TMEM223: variants seen among roughly 807,000 people sequenced by gnomAD.
TMEM223 encodes transmembrane protein 223.
Under a neutral mutation model 14.1 loss-of-function variants are expected in TMEM223, and 14 were observed. That is an observed-to-expected ratio of 0.99 (90% CI 0.66 to 1.55). The LOEUF (loss-of-function observed/expected upper bound fraction) is 1.55, where lower values mean the gene tolerates loss of function less well. Ranked by LOEUF, TMEM223 falls within the 40% of genes most tolerant of loss-of-function variation. The pLI, the probability that TMEM223 is intolerant of heterozygous loss-of-function variation, is 0.00. For missense variants in TMEM223, 346 were observed against 269.9 expected (o/e 1.28, Z -1.97); for synonymous variants, 145 against 120.5 (o/e 1.20, Z -1.33).
Position 62,790,462 on chromosome 11 carries a change from G to A in TMEM223, c.*161C>T, listed in dbSNP as rs567047299. ...TTTTGTTTTTTTTTTTGTAAATAGA[G>A]ACAAGGTCTCGCTATGTTGCCCAGC... On this transcript the variant is annotated 3_prime_UTR_variant, in exon 2 of 2. Transcript: ENST00000307366. The A allele has an allele frequency of 3.3e-5, 17 of 508,170 alleles. 1 individual carries two copies. The South Asian group carries it at 4.6e-4, about 14-fold the overall frequency. 31.5% of individuals were successfully genotyped at this position (508,170 alleles called of 1,614,324 possible).
At chr11:62,782,854 C>A, downstream of TMEM223, 1 of 1,608,944 alleles carries the variant, frequency 6.2e-7, no homozygotes, top group African/African-American at 1.3e-5. Context: ...CTCACACAGC[C>A]GTAAGAACTC....
At chr11:62,782,572 T>C (rs2084238337), downstream of TMEM223, 5 of 1,444,460 alleles carry the variant, frequency 3.5e-6, no homozygotes, top group South Asian at 6.6e-5. Flanking sequence ...GGCAGCCTTC[T>C]TCACTTAACC....
At chr11:62,775,278 GA>G (rs1041264102) in intron 1 of TMEM223, among the ~76,000 whole-genome samples, 1 of 152,128 alleles carries the variant, frequency 6.6e-6, no homozygotes, top group Non-Finnish European at 1.5e-5. Context: ...ACTATCAGGA[GA>G]ACAGCATGGG....
At chr11:62,788,397 A>G (rs1390084200), downstream of TMEM223, among the ~76,000 whole-genome samples, 2 of 149,372 alleles carry the variant, frequency 1.3e-5, no homozygotes, top group East Asian at 2.0e-4. Flanking sequence ...GCGAATCTCC[A>G]TCGCAAAAAC....
intron 1 of TMEM223, chr11:62,775,620 G>A (rs2084180416): frequency 1.3e-6 from 1 of 781,332 alleles, no homozygotes; most frequent in Non-Finnish European, 2.0e-6. Flanking sequence ...TTCCTTCTCT[G>A]AGCCTCACTT....
At chr11:62,778,909 G>C in intron 1 of TMEM223, 1 of 1,613,816 alleles carries the variant, frequency 6.2e-7, no homozygotes, top group Middle Eastern at 1.6e-4. Context: ...ACCTTCTCAA[G>C]TACTATCACC....
At chr11:62,781,744 A>G (rs752220420) in intron 1 of TMEM223, 6 of 714,472 alleles carry the variant, frequency 8.4e-6, no homozygotes, top group Admixed American at 2.1e-5. Flanking sequence ...TGTAGGTTAC[A>G]TTTATAGAAA....
chr11:62,781,714 G>A (rs1565188890), intron 1 of TMEM223: 2 of 608,888 alleles, frequency 3.3e-6, no homozygotes, highest in Non-Finnish European at 5.9e-6. Flanking sequence ...GCCATATGCA[G>A]GTATATGTGA....
intron 1 of TMEM223, among the ~76,000 whole-genome samples, chr11:62,775,236 C>G (rs772860229): frequency 2.6e-5 from 4 of 152,090 alleles, no homozygotes; most frequent in Non-Finnish European, 4.4e-5. Flanking sequence ...GGGAAAAGCT[C>G]TTTATAAAAC....
intron 1 of TMEM223, chr11:62,782,497 A>G (rs1383463111): frequency 9.5e-7 from 1 of 1,047,694 alleles, no homozygotes; most frequent in African/African-American, 1.6e-5. Context: ...GGGATTCTGA[A>G]AATGGATTAC....
At chr11:62,786,955 C>G, downstream of TMEM223, 1 of 1,447,672 alleles carries the variant, frequency 6.9e-7, no homozygotes, top group Non-Finnish European at 9.0e-7. Context: ...CGGAGGCGGC[C>G]CCGCGTCGGC....
rs760946196 is a variant in TMEM223, at chr11:62,791,924, G to A, written c.71C>T (p.Pro24Leu). The A allele has an allele frequency of 5.0e-6, 8 of 1,598,572 alleles. No individual in the cohort carries two copies. The highest frequency in any genetic ancestry group is 6.8e-6 in the Non-Finnish European group (8 of 1,173,264). The change falls in exon 1 of 2, where the codon CCC becomes CTC. Residue 24 changes from proline to leucine, a missense_variant. Pro to Leu is a moderately conservative substitution (Grantham distance 98). Coordinates refer to ENST00000307366, the MANE Select transcript of TMEM223 (RefSeq NM_001080501.3). The stretch of plus-strand genomic sequence containing the variant: ...CCGTTGCAGCGTCGTGCCTTGCAGG[G>A]GCCGGCAGGTGAGCAGGGGCCGCAG... ...AVLRPLLTCR[P>L]LQGTTLQRDV...
chr11:62,791,693 C>T lies in TMEM223; in HGVS notation c.302G>A (p.Gly101Asp), dbSNP rs1167717948. The change falls in exon 1 of 2, where the codon GGC (glycine) becomes GAC (aspartate). Residue 101 changes from glycine (G) to aspartate (D), a missense_variant. By Grantham distance (94) the Gly-to-Asp change is moderately conservative (BLOSUM62 -1). Transcript: ENST00000307366. ...CCACGTCTTACCGATGGCGCCGCAG[C>T]CGACGGCCAGACCGTAGCGCCAGAG... ...SALWRYGLAV[G>D]CGAIGALVLG... 2 of 1,538,528 alleles carry T rather than the reference C, an allele frequency of 1.3e-6. No homozygotes were observed. The highest frequency in any genetic ancestry group is 2.0e-5 in the Admixed American group (1 of 50,632).
At position 62,791,964 on chromosome 11, in the gene TMEM223, C is replaced by T. The variant is rs1351857141; in HGVS notation, c.31G>A (p.Gly11Arg). 2 of 1,568,666 alleles carry T rather than the reference C, an allele frequency of 1.3e-6. No individual in the cohort carries two copies. The highest frequency in any genetic ancestry group is 1.8e-5 in the Admixed American group (1 of 54,782). ...AGGGGCCGCAGCACGGCTAGCAGCC[C>T]CGTGGGCCATCGCCTCCAAGGCGCC... MAAPWRRWPTGLLAVLRPLLT... is the reference protein window; with the variant it reads MAAPWRRWPTRLLAVLRPLLT... Residue 11 changes from glycine (G) to arginine (R), a missense_variant, in exon 1 of 2, where the codon GGG (glycine) becomes AGG (arginine). Physicochemically the swap from Gly to Arg is moderately radical, Grantham distance 125. Coordinates refer to ENST00000307366, the MANE Select transcript of TMEM223 (RefSeq NM_001080501.3).
rs1554999801 is a variant in TMEM223, at chr11:62,790,613, G to C, written c.*10C>G. 1 of 1,601,480 alleles carries C rather than the reference G, an allele frequency of 6.2e-7. No individual in the cohort carries two copies. The highest frequency in any genetic ancestry group is 8.5e-7 in the Non-Finnish European group (1 of 1,172,092). ...CCTCTTGGAGAGGTGAGTGACTTGA[G>C]GTCATTTCTTCACAAGCTCCGGTAG... On this transcript the variant is annotated 3_prime_UTR_variant, in exon 2 of 2. Transcript: ENST00000307366.
intron 1 of TMEM223, chr11:62,776,048 C>T (rs906192965): frequency 6.2e-6 from 8 of 1,282,922 alleles, no homozygotes; most frequent in Non-Finnish European, 8.4e-6. Flanking sequence ...ACAACAGAGA[C>T]AGTCCATGCC....
downstream of TMEM223, chr11:62,786,764 C>A (rs748865135): frequency 6.2e-7 from 1 of 1,612,884 alleles, no homozygotes; most frequent in East Asian, 2.2e-5. Context: ...GAGCTCTACG[C>A]CTTCTTCGGT....
intron 1 of TMEM223, chr11:62,778,550 G>T: frequency 1.6e-6 from 1 of 641,388 alleles, no homozygotes; most frequent in Non-Finnish European, 2.7e-6. Context: ...CATGTTGGAT[G>T]CTAAGACAGA....
At chr11:62,784,463 T>C (rs1169014246), downstream of TMEM223, among the ~76,000 whole-genome samples, 4 of 150,896 alleles carry the variant, frequency 2.7e-5, no homozygotes, top group African/African-American at 7.3e-5. Context: ...CCCGCCACCA[T>C]GCCCGGCTAA....
Sources: gnomAD v4.1 joint callset for allele counts (sites outside exome capture counted in the v4.1 genomes callset) on GRCh38, gnomAD v4.1.1 for gene constraint, MANE v1.5 for transcripts, NCBI Gene and HGNC (gene_info 2026-07-23, HGNC 2026-07-21) for gene names.